Variants in CYP46A1 observed in about 807,000 individuals in gnomAD.
CYP46A1 encodes the protein cytochrome P450 family 46 subfamily A member 1, also known as cholesterol 24-hydroxylase.
CYP46A1 carries 20 observed loss-of-function variants against 63.3 expected under a neutral mutation model. The observed-to-expected ratio is 0.32, with a 90% confidence interval of 0.22 to 0.46. The LOEUF (loss-of-function observed/expected upper bound fraction) is 0.46, where lower values mean the gene tolerates loss of function less well. Among genes scored for constraint, CYP46A1 ranks in the 20% least tolerant of loss-of-function variants. CYP46A1 has a pLI of 1.00. For missense variants in CYP46A1, 445 were observed against 670.8 expected, an observed-to-expected ratio of 0.66 and a Z score of 3.72; for synonymous variants, 268 against 273.6, an observed-to-expected ratio of 0.98 and a Z score of 0.20.
At chr14:99,706,467 G>T in intron 5 of CYP46A1, 180 bp from the exon 6 acceptor site, 2 of 669,866 alleles carry the variant, frequency 3.0e-6, no homozygotes, top group Non-Finnish European at 5.0e-6. Context: ...AAACCCCAGG[G>T]TGTAGTTCAG....
rs748017615 is a variant in CYP46A1, at chr14:99,706,734, A to G, written c.531A>G (p.Pro177=). ...ILEAKADGQT[P]VSMQDMLTYT... is the part of the protein sequence containing the mutation. ...AAGCCAAGGCAGATGGGCAGACCCC[A>G]GTGTCCATGCAGGACATGCTGACCT... Residue 177 remains proline (P), a synonymous_variant, in exon 6 of 15, where the codon CCA becomes CCG. Coordinates refer to ENST00000261835, the MANE Select transcript of CYP46A1 (RefSeq NM_006668.2). The G allele has an allele frequency of 6.2e-7, 1 of 1,613,570 alleles. No homozygotes were observed. The highest frequency in any genetic ancestry group is 1.3e-5 in the African/African-American group (1 of 74,902).
At chr14:99,697,136 T>G (rs1399398776) in intron 3 of CYP46A1, among the ~76,000 whole-genome samples, 1 of 152,246 alleles carries the variant, frequency 6.6e-6, no homozygotes, top group Non-Finnish European at 1.5e-5. Context: ...CAGAAGTTGT[T>G]TTGGCCAGTC....
At chr14:99,694,592 C>T (rs771621281) in intron 3 of CYP46A1, among the ~76,000 whole-genome samples, 1 of 151,790 alleles carries the variant, frequency 6.6e-6, no homozygotes, top group Non-Finnish European at 1.5e-5. Flanking sequence ...CTCTGCCTCC[C>T]AGGTTCAAGT....
chr14:99,684,303 G>A lies in CYP46A1; in HGVS notation c.-115G>A. Reference sequence around the variant, plus strand: ...GAGCGGGCGGGGAGGGTGCTGGGTCGCGCCTGGCCTGGGGCCGAGGCGGCG... The same window carrying A: ...GAGCGGGCGGGGAGGGTGCTGGGTCACGCCTGGCCTGGGGCCGAGGCGGCG... On this transcript the variant is annotated 5_prime_UTR_variant, in exon 1 of 15. Transcript: ENST00000261835. 2.2e-6 allele frequency: 1 copy of A among 455,408 alleles called. No individual in the cohort carries two copies. The highest frequency in any genetic ancestry group is 3.3e-6 in the Non-Finnish European group (1 of 307,446). 28.2% of individuals were successfully genotyped at this position (455,408 alleles called of 1,614,324 possible). A position where few individuals can be genotyped will look rare whatever the true frequency, so the allele number is the denominator to read the frequency against.
At chr14:99,706,888 T>TA (rs2056681535) in intron 6 of CYP46A1, 103 bp downstream of exon 6, 1 of 1,375,256 alleles carries the variant, frequency 7.3e-7, no homozygotes, top group African/African-American at 1.5e-5. Flanking sequence ...CCTGCTCCTC[T>TA]AACATACCAG....
intron 1 of CYP46A1, among the ~76,000 whole-genome samples, chr14:99,686,654 C>A (rs2056496926): frequency 2.0e-5 from 3 of 152,300 alleles, no homozygotes; most frequent in African/African-American, 7.2e-5. Context: ...TTCAAAAGTT[C>A]ATTCATGTAG....
At chr14:99,715,376 G>T (rs1464849105) in intron 7 of CYP46A1, among the ~76,000 whole-genome samples, 6 of 152,242 alleles carry the variant, frequency 3.9e-5, no homozygotes, top group African/African-American at 1.4e-4. Flanking sequence ...AAAGGTGATA[G>T]CTGAGTTCAT....
intron 7 of CYP46A1, chr14:99,711,555 A>G (rs933374741): frequency 5.3e-4 from 81 of 152,174 alleles, no homozygotes; most frequent in African/African-American, 1.7e-3. Context: ...GGACACATAC[A>G]CCCTGCCAAG....
chr14:99,701,746 C>T (rs2056632510), intron 5 of CYP46A1, among the ~76,000 whole-genome samples: 1 of 152,144 alleles, frequency 6.6e-6, no homozygotes, highest in South Asian at 2.1e-4. Flanking sequence ...ATCAACACAG[C>T]ACATTTTAGA....
At chr14:99,716,899 A>G (rs960768218) in intron 9 of CYP46A1, among the ~76,000 whole-genome samples, 8 of 152,216 alleles carry the variant, frequency 5.3e-5, no homozygotes, top group African/African-American at 9.6e-5. Context: ...GAACAAGATG[A>G]GGGACAGTTT....
chr14:99,715,634 C>T (rs2056781254), intron 7 of CYP46A1, among the ~76,000 whole-genome samples, 176 bp from the exon 8 acceptor site: 1 of 152,210 alleles, frequency 6.6e-6, no homozygotes, highest in Non-Finnish European at 1.5e-5. Flanking sequence ...GAGGCCTGGG[C>T]TCAGTCTGCC....
intron 1 of CYP46A1, among the ~76,000 whole-genome samples, chr14:99,688,378 C>G (rs989958118): frequency 2.0e-5 from 3 of 152,140 alleles, no homozygotes; most frequent in Admixed American, 2.0e-4. Context: ...ACCTCCCCCT[C>G]CATCCGCACT....
chr14:99,709,040 C>T (rs922371281), intron 7 of CYP46A1: 6 of 152,142 alleles, frequency 3.9e-5, no homozygotes, highest in African/African-American at 1.4e-4. Context: ...CCACCCAACA[C>T]TATAAATGCC....
At position 99,725,548 on chromosome 14, in the gene CYP46A1, C is replaced by A; in HGVS notation, c.1265+69C>A. Reference sequence around the variant, plus strand: ...AAGGACAGACACAGCGGCCTCTGGTCTGAGCCAGAGGCACCCACTCAGCCC... The same window carrying A: ...AAGGACAGACACAGCGGCCTCTGGTATGAGCCAGAGGCACCCACTCAGCCC... On this transcript the variant is annotated intron_variant, in intron 13 of 14. Transcript: ENST00000261835. The surrounding 1 kb of genome is among the most constrained non-coding windows in gnomAD (Gnocchi z 4.2). 8.1e-7 allele frequency: 1 copy of A among 1,228,790 alleles called. No homozygotes were observed. Among genetic ancestry groups the A allele is most frequent in the South Asian group, 1.2e-5 (1 of 82,048 alleles). The allele number at this position is 1,228,790 out of a possible 1,614,324, so 76.1% of individuals were successfully genotyped here.
chr14:99,717,191 T>C (rs2056797954), intron 9 of CYP46A1, among the ~76,000 whole-genome samples: 1 of 152,080 alleles, frequency 6.6e-6, no homozygotes, highest in South Asian at 2.1e-4. Context: ...TCCTCATCTG[T>C]AAAATGGGGG....
Position 99,725,430 on chromosome 14 carries a change from G to A in CYP46A1, c.1216G>A (p.Glu406Lys). Residue 406 changes from glutamate (E) to lysine (K), a missense_variant, in exon 13 of 15, where the codon GAG becomes AAG. Physicochemically the swap from Glu to Lys is moderately conservative, Grantham distance 56 (BLOSUM62 1). This residue lies in a region of CYP46A1 where 95 missense variants were observed against 156.9 expected (regional missense o/e 0.61). Transcript: ENST00000261835. This position sits in a 1 kb window ranked among gnomAD's most constrained non-coding sequence, Gnocchi z 4.2. ...YVMGRMDTYF[E>K]DPLTFNPDRF... ...CATGGGGCGGATGGACACATACTTT[G>A]AGGACCCGCTGACTTTCAACCCCGA... 1 of 1,614,184 alleles carries A rather than the reference G, an allele frequency of 6.2e-7. No homozygotes were observed. The highest frequency in any genetic ancestry group is 8.5e-7 in the Non-Finnish European group (1 of 1,180,022).
chr14:99,690,983 C>T (rs2056538393), intron 1 of CYP46A1, 98 bp from the exon 2 acceptor site: 1 of 1,169,204 alleles, frequency 8.6e-7, no homozygotes, highest in South Asian at 1.3e-5. Flanking sequence ...CCTCGGTCCT[C>T]CTGTCTGTGA....
At position 99,707,686 on chromosome 14, in the gene CYP46A1, C is replaced by T. The variant is rs750147754; in HGVS notation, c.693+8C>T. On this transcript the variant is annotated splice_region_variant and intron_variant, in intron 7 of 14. Transcript: ENST00000261835. ...CGCAACACTCTGGCAAAGGTACTGC[C>T]TCAGCACCCCCTCTGGTGACCAGCC... 2 of 1,612,354 alleles carry T rather than the reference C, an allele frequency of 1.2e-6. No individual in the cohort carries two copies. The highest frequency in any genetic ancestry group is 1.7e-6 in the Non-Finnish European group (2 of 1,178,628).
intron 10 of CYP46A1, 58 bp from the exon 11 acceptor site, chr14:99,721,181 A>T: frequency 1.5e-6 from 2 of 1,295,380 alleles, no homozygotes; most frequent in African/African-American, 1.5e-5. Context: ...TCTTAAAGCT[A>T]AGTAAGTCGG....
Sources: allele counts gnomAD v4.1 joint callset (sites outside exome capture counted in the v4.1 genomes callset), GRCh38; gene constraint gnomAD v4.1.1; regional missense constraint gnomAD v4.1.1; non-coding constraint Gnocchi (gnomAD v3.1); transcripts MANE v1.5; gene names NCBI Gene and HGNC (gene_info 2026-07-23, HGNC 2026-07-21).